The following THADA variants were observed in gnomAD, a reference collection of about 807,000 sequenced individuals.
The protein encoded by THADA is THADA armadillo repeat containing.
THADA carries 213 observed loss-of-function variants against 219.8 expected under a neutral mutation model. The observed-to-expected ratio is 0.97, with a 90% CI of 0.87 to 1.09. THADA has a LOEUF of 1.09. Among genes scored for constraint, THADA ranks in the 50% least tolerant of loss-of-function variants. THADA has a pLI of 0.00. For synonymous variants in THADA, 1,018 were observed against 828.9 expected (o/e 1.23, Z -3.92); for missense variants, 2,956 against 2,311.3 (o/e 1.28, Z -5.72).
intron 26 of THADA, among the ~76,000 whole-genome samples, chr2:43,468,047 A>C (rs576679845): frequency 6.6e-6 from 1 of 152,374 alleles, no homozygotes; most frequent in African/African-American, 2.4e-5. Context: ...GTAAGTAAAA[A>C]ATGCCTGACT....
chr2:43,487,151 T>C (rs1445199638), intron 25 of THADA, among the ~76,000 whole-genome samples: 2 of 152,196 alleles, frequency 1.3e-5, no homozygotes, highest in Non-Finnish European at 2.9e-5. Flanking sequence ...TTTATCAATA[T>C]AATCTCTGCC....
At chr2:43,232,227 G>C (rs891124996) in intron 37 of THADA, among the ~76,000 whole-genome samples, 1 of 150,736 alleles carries the variant, frequency 6.6e-6, no homozygotes, top group Non-Finnish European at 1.5e-5. Flanking sequence ...TGCCCAGGCT[G>C]GAGTGCAGTG....
At chr2:43,326,464 T>A (rs1198952443) in intron 30 of THADA, among the ~76,000 whole-genome samples, 2 of 151,618 alleles carry the variant, frequency 1.3e-5, no homozygotes, top group Non-Finnish European at 2.9e-5. Flanking sequence ...ATGGCAGAGG[T>A]GGGTTATTTT....
chr2:43,454,535 G>A (rs556549855), intron 26 of THADA, among the ~76,000 whole-genome samples: 2 of 152,104 alleles, frequency 1.3e-5, no homozygotes, highest in African/African-American at 4.8e-5. Context: ...CCAAGAGGTC[G>A]AGGCTGCAGT....
At chr2:43,397,884 T>C in intron 29 of THADA, 87 bp downstream of exon 29, 1 of 1,397,598 alleles carries the variant, frequency 7.2e-7, no homozygotes, top group Non-Finnish European at 9.9e-7. Flanking sequence ...AGGCTGTGTA[T>C]CAAATCTTCA....
chr2:43,342,102 C>A (rs950652947), intron 30 of THADA, among the ~76,000 whole-genome samples: 1 of 152,172 alleles, frequency 6.6e-6, no homozygotes, highest in African/African-American at 2.4e-5. Flanking sequence ...GTAGTCCCAG[C>A]TGCTCAGGGG....
intron 14 of THADA, among the ~76,000 whole-genome samples, chr2:43,568,668 C>T (rs1698950836): frequency 6.6e-6 from 1 of 152,132 alleles, no homozygotes; most frequent in African/African-American, 2.4e-5. Flanking sequence ...AGAAAGCAAA[C>T]GAGATATGCA....
intron 24 of THADA, 109 bp downstream of exon 24, chr2:43,505,513 C>T: frequency 2.7e-6 from 2 of 732,062 alleles, no homozygotes; most frequent in Non-Finnish European, 4.4e-6. Flanking sequence ...GAGATCGCGC[C>T]ACTGTACTCC....
chr2:43,590,056 G>C (rs1271373875), intron 4 of THADA, among the ~76,000 whole-genome samples: 2 of 152,006 alleles, frequency 1.3e-5, no homozygotes, highest in African/African-American at 4.8e-5. Context: ...TCAAAGAGAA[G>C]GTCTAGAAAG....
chr2:43,394,521 G>C (rs1354872748), intron 29 of THADA, among the ~76,000 whole-genome samples: 2 of 152,068 alleles, frequency 1.3e-5, no homozygotes, highest in Non-Finnish European at 2.9e-5. Context: ...GCTGGCTCTG[G>C]AGGTCCCATG....
chr2:43,532,121 T>A (rs562685340), intron 21 of THADA, among the ~76,000 whole-genome samples: 1 of 151,066 alleles, frequency 6.6e-6, no homozygotes, highest in Non-Finnish European at 1.5e-5. Flanking sequence ...GTAAAAAAAA[T>A]ATGAAAGAGG....
chr2:43,492,785 G>A (rs1165938106), intron 25 of THADA, among the ~76,000 whole-genome samples: 2 of 152,198 alleles, frequency 1.3e-5, no homozygotes, highest in East Asian at 3.8e-4. Context: ...TGATTAAAGG[G>A]AGGGCCAGCC....
chr2:43,315,870 CCA>C (rs1484729933), intron 31 of THADA, among the ~76,000 whole-genome samples: 1 of 152,198 alleles, frequency 6.6e-6, no homozygotes, highest in Non-Finnish European at 1.5e-5. Flanking sequence ...GTCTTAAAAA[CCA>C]CACAGTCCTA....
chr2:43,398,774 G>C lies in THADA; in HGVS notation c.4059-635C>G, dbSNP rs568745696. 3.3e-5 allele frequency among the ~76,000 whole-genome samples: 5 copies of C among 152,306 alleles called. No homozygotes were observed. In the South Asian group the frequency reaches 1.0e-3, roughly 32 times the overall value. ...GTGTTTGAATAACGCAGAGGTTCAT[G>C]AATAACAGTAGAAGTTAAGGCTGAG... On this transcript the variant is annotated intron_variant, in intron 28 of 37. Transcript: ENST00000405975.
chr2:43,476,751 G>A lies in THADA; in HGVS notation c.3836+8483C>T, dbSNP rs528981013. Among the ~76,000 whole-genome samples, 24 of 152,266 alleles carry A rather than the reference G, an allele frequency of 1.6e-4. No individual in the cohort carries two copies. In the East Asian group the frequency reaches 4.6e-3, roughly 29 times the overall value. ...CCCACAAACAGATACATATATCACA[G>A]TCATGCAAGTTAGGTACTAATCTTG... On this transcript the variant is annotated intron_variant, in intron 26 of 37. Transcript: ENST00000405975.
In THADA at chr2:43,551,944, G is replaced by C; in HGVS notation, c.2811-19C>G. ...CAGGCTGCTGCAACAAGGACATTAG[G>C]GAAATTTATACTAAAAGCAAAAATC... On this transcript the variant is annotated intron_variant, in intron 18 of 37. Coordinates refer to ENST00000405975, the MANE Select transcript of THADA (RefSeq NM_022065.5). The C allele has an allele frequency of 6.3e-7, 1 of 1,590,318 alleles. No homozygotes were observed.
intron 22 of THADA, among the ~76,000 whole-genome samples, chr2:43,516,027 G>GCT (rs568094258): frequency 6.6e-6 from 1 of 151,982 alleles, no homozygotes; most frequent in African/African-American, 2.4e-5. Flanking sequence ...TTGTAGTTAT[G>GCT]CTCTCTCTCT....
intron 7 of THADA, among the ~76,000 whole-genome samples, chr2:43,583,357 A>C (rs1053128004): frequency 7.9e-5 from 12 of 152,170 alleles, no homozygotes; most frequent in African/African-American, 2.9e-4. Context: ...CTCCACTGCT[A>C]CATCTTGGCC....
At chr2:43,323,727 A>AAACCAACC (rs946122405) in intron 30 of THADA, among the ~76,000 whole-genome samples, 2 of 152,078 alleles carry the variant, frequency 1.3e-5, no homozygotes, top group Non-Finnish European at 2.9e-5. Flanking sequence ...TTAACCCAAA[A>AAACCAACC]AACCAACCAA....
Sources: allele counts gnomAD v4.1 joint callset (sites outside exome capture counted in the v4.1 genomes callset), GRCh38; gene constraint gnomAD v4.1.1; transcripts MANE v1.5; gene names NCBI Gene and HGNC (gene_info 2026-07-23, HGNC 2026-07-21).